DGCR8: variants seen among roughly 807,000 people sequenced by gnomAD.
DGCR8 encodes DGCR8 microprocessor complex subunit.
Under a neutral mutation model 78.5 loss-of-function variants are expected in DGCR8, and 14 were observed. The ratio of observed to expected loss-of-function variants is 0.18; its 90% CI spans 0.12 to 0.28. The LOEUF (loss-of-function observed/expected upper bound fraction) is 0.28, where lower values mean the gene tolerates loss of function less well. DGCR8 is among the 10% of genes least tolerant of loss of function. DGCR8 has a pLI of 1.00. For missense variants in DGCR8, 702 were observed against 1,022.5 expected (o/e 0.69, Z 4.28); for synonymous variants, 399 against 402.4 (o/e 0.99, Z 0.10).
chr22:20,082,609 C>T (rs771774474), intron 1 of DGCR8, among the ~76,000 whole-genome samples: 4 of 151,502 alleles, frequency 2.6e-5, no homozygotes, highest in South Asian at 2.1e-4. Flanking sequence ...CCTTGTGGTC[C>T]GCCTGCCTCA....
At chr22:20,104,497 C>T (rs955093849) in intron 9 of DGCR8, among the ~76,000 whole-genome samples, 13 of 152,174 alleles carry the variant, frequency 8.5e-5, no homozygotes, top group African/African-American at 2.2e-4. Context: ...AACTTCTGAG[C>T]GTGCTCTCTA....
At chr22:20,105,826 G>C (rs1480401673) in intron 9 of DGCR8, among the ~76,000 whole-genome samples, 2 of 152,180 alleles carry the variant, frequency 1.3e-5, no homozygotes, top group African/African-American at 2.4e-5. Context: ...CTCTGCAAAG[G>C]TGCTTTATCT....
Position 20,087,174 on chromosome 22 carries a change from A to C in DGCR8, c.733A>C (p.Asn245His). Residue 245 changes from asparagine (N) to histidine (H), a missense_variant, in exon 3 of 14, where the codon AAC becomes CAC. By Grantham distance (68) the Asn-to-His change is moderately conservative. Transcript: ENST00000351989. This position sits in a 1 kb window ranked among gnomAD's most constrained non-coding sequence, Gnocchi z 4.1. ...GCGTGTTTTGCAGGATGACTTTGAC[A>C]ACGATGTGGATGCTCTGCTGGAAGA... ...LNFPYEDDFD[N>H]DVDALLEEGL... The C allele has an allele frequency of 6.2e-7, 1 of 1,610,810 alleles. No individual in the cohort carries two copies. The highest frequency in any genetic ancestry group is 8.5e-7 in the Non-Finnish European group (1 of 1,177,902).
Position 20,107,227 on chromosome 22 carries a change from G to A in DGCR8, c.1997-44G>A, listed in dbSNP as rs1192584943. The A allele has an allele frequency of 3.1e-6, 5 of 1,613,436 alleles. No individual in the cohort carries two copies. The African/African-American group carries it at 5.3e-5, about 17-fold the overall frequency. ...GCGGCAGGGGGCCCCATGAGCACTG[G>A]GTGTTTGTGACCCCCTCTCCATGCT... is the stretch of plus-strand genomic sequence containing the variant. On this transcript the variant is annotated intron_variant, in intron 11 of 13. Coordinates refer to ENST00000351989, the MANE Select transcript of DGCR8 (RefSeq NM_022720.7).
intron 12 of DGCR8, chr22:20,107,836 A>G: frequency 1.0e-5 from 2 of 192,972 alleles, no homozygotes; most frequent in East Asian, 1.3e-4. Flanking sequence ...GCATATGTGT[A>G]CCATCTGTCT....
At chr22:20,084,276 G>A (rs554991764) in intron 1 of DGCR8, among the ~76,000 whole-genome samples, 7 of 152,334 alleles carry the variant, frequency 4.6e-5, no homozygotes, top group Admixed American at 6.5e-5. Flanking sequence ...TTGGGAGGAT[G>A]TTAGGTCATG....
At position 20,092,913 on chromosome 22, in the gene DGCR8, G is replaced by A. The variant is rs746864528; in HGVS notation, c.1705+6G>A. The stretch of plus-strand genomic sequence containing the variant: ...ACTTGCGAAGAATAAAGCTGGTAAC[G>A]TGCTTGCTTGGGTGTCAAAGATACG... On this transcript the variant is annotated splice_donor_region_variant and intron_variant, in intron 8 of 13. Coordinates refer to ENST00000351989, the MANE Select transcript of DGCR8 (RefSeq NM_022720.7). 23 of 1,610,008 alleles carry A rather than the reference G, an allele frequency of 1.4e-5. No individual in the cohort carries two copies. The highest frequency in any genetic ancestry group is 5.3e-5 in the African/African-American group (4 of 74,780).
In DGCR8 at chr22:20,091,562, C is replaced by T. The variant is rs769851279; in HGVS notation, c.1434C>T (p.Ser478=). 41 of 1,614,048 alleles carry T rather than the reference C, an allele frequency of 2.5e-5. No homozygotes were observed. In the South Asian group the frequency reaches 3.1e-4, roughly 12 times the overall value. The change falls in exon 6 of 14, where the codon TCC becomes TCT. Residue 478 remains serine (S), a synonymous_variant. Coordinates refer to ENST00000351989, the MANE Select transcript of DGCR8 (RefSeq NM_022720.7). ...AAATGAAGCGGAAGCAGGCGGAGTC[C>T]GAGAGGCCCATCTTGCCAGCCAATC... is the stretch of plus-strand genomic sequence containing the variant. ...NREMKRKQAE[S]ERPILPANQK...
At chr22:20,101,340 G>A in intron 9 of DGCR8, 1 of 930,584 alleles carries the variant, frequency 1.1e-6, no homozygotes, top group Non-Finnish European at 1.3e-6. Flanking sequence ...ACTTTGGGAG[G>A]CCGAGGCGGG....
chr22:20,102,827 T>C (rs1003672375), intron 9 of DGCR8, among the ~76,000 whole-genome samples: 1 of 152,218 alleles, frequency 6.6e-6, no homozygotes, highest in Non-Finnish European at 1.5e-5. Flanking sequence ...AGAAACAATA[T>C]GTCAGTTTCT....
intron 9 of DGCR8, chr22:20,100,393 A>G (rs1410950615): frequency 1.2e-5 from 12 of 985,164 alleles, no homozygotes; most frequent in Non-Finnish European, 1.4e-5. Context: ...GAGTGACCCA[A>G]CCGTGGGAAA....
intron 1 of DGCR8, among the ~76,000 whole-genome samples, chr22:20,082,851 C>A (rs2049433811): frequency 6.6e-6 from 1 of 152,144 alleles, no homozygotes; most frequent in African/African-American, 2.4e-5. Flanking sequence ...GTGCTTAGAA[C>A]AGGGCCTGGC....
chr22:20,095,721 T>G (rs1262903271), intron 9 of DGCR8, among the ~76,000 whole-genome samples: 1 of 152,162 alleles, frequency 6.6e-6, no homozygotes, highest in Non-Finnish European at 1.5e-5. Context: ...ACATTTATTG[T>G]GCACTTTTTA....
At chr22:20,088,779 A>G (rs1480519259) in intron 3 of DGCR8, among the ~76,000 whole-genome samples, 2 of 151,966 alleles carry the variant, frequency 1.3e-5, no homozygotes, top group African/African-American at 4.8e-5. Context: ...ATATTTTTTA[A>G]GGTTTCATTT....
chr22:20,085,601 G>A lies in DGCR8; in HGVS notation c.-277-86G>A. On this transcript the variant is annotated intron_variant, in intron 1 of 13. Transcript: ENST00000351989. The surrounding 1 kb of genome is among the most constrained non-coding windows in gnomAD (Gnocchi z 6.2). ...TTATTTTGAAGCCCTTTACTATGCT[G>A]TTAATAGTGCTTGGCTTTTAACTTG... 1 of 1,131,748 alleles carries A rather than the reference G, an allele frequency of 8.8e-7. No homozygotes were observed. Among genetic ancestry groups the A allele is most frequent in the Non-Finnish European group, 1.1e-6 (1 of 888,204 alleles). 70.1% of individuals were successfully genotyped at this position (1,131,748 alleles called of 1,614,324 possible).
intron 5 of DGCR8, among the ~76,000 whole-genome samples, chr22:20,090,633 CTT>C (rs2049544990): frequency 6.6e-6 from 1 of 152,242 alleles, no homozygotes; most frequent in African/African-American, 2.4e-5. Flanking sequence ...CAGTGAGCCT[CTT>C]TAATCCATGA....
rs1568953105 is a variant in DGCR8, at chr22:20,087,923, A to G, written c.880+602A>G. On this transcript the variant is annotated intron_variant, in intron 3 of 13. Coordinates refer to ENST00000351989, the MANE Select transcript of DGCR8 (RefSeq NM_022720.7). This position sits in a 1 kb window ranked among gnomAD's most constrained non-coding sequence, Gnocchi z 4.1. ...CAGAGTTGCACTGTGAGGCTCTGTCATCGATGTGGTGCAGGTGTTGGGGGA... is the reference window on the plus strand; with the variant it reads ...CAGAGTTGCACTGTGAGGCTCTGTCGTCGATGTGGTGCAGGTGTTGGGGGA... Among the ~76,000 whole-genome samples, 1 of 152,054 alleles carries G rather than the reference A, an allele frequency of 6.6e-6. No homozygotes were observed. Among genetic ancestry groups the G allele is most frequent in the African/African-American group, 2.4e-5 (1 of 41,414 alleles).
At chr22:20,103,480 C>A (rs2049730013) in intron 9 of DGCR8, among the ~76,000 whole-genome samples, 1 of 152,040 alleles carries the variant, frequency 6.6e-6, no homozygotes, top group African/African-American at 2.4e-5. Context: ...ATTCCTTATC[C>A]AGTTTTCTTC....
intron 9 of DGCR8, 131 bp from the exon 10 acceptor site, chr22:20,106,046 T>C: frequency 3.0e-6 from 2 of 662,706 alleles, no homozygotes; most frequent in Non-Finnish European, 5.3e-6. Flanking sequence ...CCTTGCAGAG[T>C]TGAGGTATGA....
Sources: gnomAD v4.1 joint callset for allele counts (sites outside exome capture counted in the v4.1 genomes callset) on GRCh38, gnomAD v4.1.1 for gene constraint, Gnocchi (gnomAD v3.1) non-coding constraint, MANE v1.5 for transcripts, NCBI Gene and HGNC (gene_info 2026-07-23, HGNC 2026-07-21) for gene names.